The following PLCB4 variants were observed in gnomAD, a reference collection of about 807,000 sequenced individuals.
PLCB4 encodes 1-phosphatidylinositol 4,5-bisphosphate phosphodiesterase beta-4.
Under a neutral mutation model 178.8 loss-of-function variants are expected in PLCB4, and 77 were observed. The ratio of observed to expected loss-of-function variants is 0.43; its 90% CI spans 0.36 to 0.52. The LOEUF is 0.52. Ranked by LOEUF, PLCB4 falls within the 20% of genes least tolerant of loss-of-function variation. The pLI, the probability that PLCB4 is intolerant of heterozygous loss-of-function variation, is 0.00. For missense variants in PLCB4, 1,024 were observed against 1,453.4 expected (o/e 0.70, Z 4.80); for synonymous variants, 496 against 490.8 (o/e 1.01, Z -0.14).
chr20:9,300,814 A>G (rs1019284836), intron 3 of PLCB4, among the ~76,000 whole-genome samples: 2 of 152,122 alleles, frequency 1.3e-5, no homozygotes, highest in Non-Finnish European at 2.9e-5. Context: ...TTCTTTTAAG[A>G]AAGGTGTTCA....
chr20:9,100,599 T>C (rs142271008), intron 2 of PLCB4, among the ~76,000 whole-genome samples: 1 of 152,106 alleles, frequency 6.6e-6, no homozygotes, highest in Admixed American at 6.5e-5. Flanking sequence ...ACATCCCCCA[T>C]GGATTTAGTA....
At chr20:9,370,815 G>A (rs900871486) in intron 9 of PLCB4, 10 of 155,288 alleles carry the variant, frequency 6.4e-5, no homozygotes, top group South Asian at 4.0e-4. Context: ...AGGCTGAGGC[G>A]GGAGAATTGC....
At chr20:9,473,254 A>ATTT (rs3037097) in intron 37 of PLCB4, 25 bp from the exon 38 acceptor site, 280 of 1,196,324 alleles carry the variant, frequency 2.3e-4, no homozygotes, top group South Asian at 6.1e-4. Flanking sequence ...TTCAATCAGA[A>ATTT]TTTTTTTTTT....
At chr20:9,165,122 G>C (rs2092947913) in intron 2 of PLCB4, among the ~76,000 whole-genome samples, 1 of 152,154 alleles carries the variant, frequency 6.6e-6, no homozygotes, top group Admixed American at 6.6e-5. Flanking sequence ...AGAGCAAATG[G>C]ATGGCCACAG....
chr20:9,298,892 T>C (rs962827923), intron 3 of PLCB4, among the ~76,000 whole-genome samples: 2 of 152,104 alleles, frequency 1.3e-5, no homozygotes, highest in Non-Finnish European at 2.9e-5. Context: ...GGAAATTGTT[T>C]TTAATCATGT....
At chr20:9,086,540 A>G (rs1316045636) in intron 1 of PLCB4, among the ~76,000 whole-genome samples, 1 of 152,072 alleles carries the variant, frequency 6.6e-6, no homozygotes, top group Non-Finnish European at 1.5e-5. Context: ...AGAAAAAGAA[A>G]CTGAGGCCCA....
intron 2 of PLCB4, among the ~76,000 whole-genome samples, chr20:9,098,951 A>G (rs1301530475): frequency 1.3e-5 from 2 of 151,260 alleles, no homozygotes; most frequent in African/African-American, 2.4e-5. Flanking sequence ...ATACGTATAT[A>G]TATATGACTA....
intron 36 of PLCB4, among the ~76,000 whole-genome samples, chr20:9,471,641 C>T (rs2044198034): frequency 6.6e-6 from 1 of 152,160 alleles, no homozygotes; most frequent in South Asian, 2.1e-4. Flanking sequence ...GGTCTTTTCA[C>T]TCATGAAAAA....
intron 20 of PLCB4, among the ~76,000 whole-genome samples, chr20:9,403,647 A>G (rs1448769729): frequency 6.6e-6 from 1 of 152,192 alleles, no homozygotes; most frequent in Non-Finnish European, 1.5e-5. Context: ...AAGCAGCTGT[A>G]TTGGTTACAG....
intron 15 of PLCB4, among the ~76,000 whole-genome samples, chr20:9,388,495 G>T (rs2037866000): frequency 6.6e-6 from 1 of 152,298 alleles, no homozygotes; most frequent in South Asian, 2.1e-4. Context: ...GAGGCAGGTG[G>T]ATCACTTGAC....
At chr20:9,329,469 G>A (rs1383107120) in intron 4 of PLCB4, among the ~76,000 whole-genome samples, 1 of 152,164 alleles carries the variant, frequency 6.6e-6, no homozygotes, top group Non-Finnish European at 1.5e-5. Flanking sequence ...AGGAAGCACT[G>A]TGTATGTTAC....
intron 3 of PLCB4, among the ~76,000 whole-genome samples, chr20:9,260,062 C>T (rs186886222): frequency 1.3e-5 from 2 of 151,934 alleles, no homozygotes; most frequent in Admixed American, 1.3e-4. Flanking sequence ...GTGTTCATAC[C>T]ATCCCAGAAG....
At chr20:9,132,957 T>C (rs1234121514) in intron 2 of PLCB4, among the ~76,000 whole-genome samples, 1 of 151,988 alleles carries the variant, frequency 6.6e-6, no homozygotes, top group Non-Finnish European at 1.5e-5. Flanking sequence ...CTGCTAACCA[T>C]CCCACAATGC....
At chr20:9,307,126 A>G (rs1403579871) in intron 3 of PLCB4, among the ~76,000 whole-genome samples, 1 of 152,046 alleles carries the variant, frequency 6.6e-6, no homozygotes, top group Non-Finnish European at 1.5e-5. Flanking sequence ...CTCTGCTACA[A>G]ACATTGTGAA....
chr20:9,402,521 GC>G (rs1412107175), intron 20 of PLCB4, among the ~76,000 whole-genome samples: 2 of 152,276 alleles, frequency 1.3e-5, no homozygotes, highest in Admixed American at 6.5e-5. Flanking sequence ...AGAGAAGGGG[GC>G]AGTGTAGCCT....
chr20:9,460,957 A>G (rs2043350840), intron 35 of PLCB4, among the ~76,000 whole-genome samples: 1 of 152,190 alleles, frequency 6.6e-6, no homozygotes, highest in Non-Finnish European at 1.5e-5. Context: ...TTCGTCCTAT[A>G]GGATTAGAAG....
chr20:9,115,923 A>G lies in PLCB4; in HGVS notation c.-79+19581A>G, dbSNP rs530694120. 1.3e-3 allele frequency among the ~76,000 whole-genome samples: 200 copies of G among 152,156 alleles called. 1 individual carries two copies. The highest frequency in any genetic ancestry group is 2.3e-3 in the Admixed American group (35 of 15,264). ...TAATATGCTTTATCAAACATTAAACACCATTTTAAAGTAATGTAACAGGAA... is the reference window on the plus strand; with the variant it reads ...TAATATGCTTTATCAAACATTAAACGCCATTTTAAAGTAATGTAACAGGAA... On this transcript the variant is annotated intron_variant, in intron 2 of 39. Transcript: ENST00000378473.
chr20:9,300,980 G>A (rs1018815968), intron 3 of PLCB4, among the ~76,000 whole-genome samples: 1 of 151,840 alleles, frequency 6.6e-6, no homozygotes, highest in African/African-American at 2.4e-5. Context: ...CCAGGCTGTG[G>A]GGAAGAACCC....
intron 9 of PLCB4, among the ~76,000 whole-genome samples, chr20:9,367,477 T>C (rs78909499): frequency 6.6e-6 from 1 of 152,232 alleles, no homozygotes; most frequent in African/African-American, 2.4e-5. Flanking sequence ...CTTATCCTTA[T>C]TTAAAATCCT....
Sources: gnomAD v4.1 joint callset for allele counts (sites outside exome capture counted in the v4.1 genomes callset) on GRCh38, gnomAD v4.1.1 for gene constraint, MANE v1.5 for transcripts, NCBI Gene and HGNC (gene_info 2026-07-23, HGNC 2026-07-21) for gene names.